EEIG2: variants seen among roughly 807,000 people sequenced by gnomAD.
EEIG2 encodes EEIG family member 2.
At chr1:108,590,031 T>C in the EEIG2 span, among the ~76,000 whole-genome samples, 1 of 152,060 alleles carries the variant, frequency 6.6e-6, no homozygotes, top group Non-Finnish European at 1.5e-5. Flanking sequence ...CTCCTAGACA[T>C]TTCCAAATAG....
the EEIG2 span, among the ~76,000 whole-genome samples, chr1:108,631,633 A>G: frequency 1.4e-4 from 22 of 152,328 alleles, no homozygotes; most frequent in Middle Eastern, 3.4e-3. Flanking sequence ...AAGTACAGTA[A>G]TTATGATATA....
chr1:108,560,722 T>C, the EEIG2 span, among the ~76,000 whole-genome samples: 1 of 152,060 alleles, frequency 6.6e-6, no homozygotes, highest in African/African-American at 2.4e-5. Flanking sequence ...AAATGGGTTC[T>C]TCTCAGCTGG....
the EEIG2 span, among the ~76,000 whole-genome samples, chr1:108,614,558 C>T: frequency 6.6e-6 from 1 of 152,174 alleles, no homozygotes; most frequent in Non-Finnish European, 1.5e-5. Flanking sequence ...CCCTCATCTT[C>T]CCATCATAGA....
chr1:108,590,371 A>C, the EEIG2 span, among the ~76,000 whole-genome samples: 1 of 152,198 alleles, frequency 6.6e-6, no homozygotes, highest in East Asian at 1.9e-4. Flanking sequence ...ATTAATATTG[A>C]AAAAAATCTT....
At chr1:108,625,500 GT>G in the EEIG2 span, 1 of 152,110 alleles carries the variant, frequency 6.6e-6, no homozygotes, top group Non-Finnish European at 1.5e-5. Context: ...CAAATATTTG[GT>G]TTCTTATAAA....
the EEIG2 span, among the ~76,000 whole-genome samples, chr1:108,583,230 C>G: frequency 1.3e-5 from 2 of 152,000 alleles, no homozygotes; most frequent in African/African-American, 4.8e-5. Flanking sequence ...AGTCATAGCT[C>G]ACTGCACCCT....
chr1:108,630,665 T>C, the EEIG2 span, among the ~76,000 whole-genome samples: 1 of 152,216 alleles, frequency 6.6e-6, no homozygotes, highest in Admixed American at 6.5e-5. Context: ...AAACTTACAT[T>C]GATTATCAGC....
At chr1:108,590,565 A>AG in the EEIG2 span, among the ~76,000 whole-genome samples, 1 of 152,228 alleles carries the variant, frequency 6.6e-6, no homozygotes, top group Non-Finnish European at 1.5e-5. Context: ...GTATTGTTAC[A>AG]TCCTGTTTCA....
At chr1:108,631,061 C>A in the EEIG2 span, 1 of 305,824 alleles carries the variant, frequency 3.3e-6, no homozygotes, top group Non-Finnish European at 6.8e-6. Flanking sequence ...ACATATAAAG[C>A]TACTTTCAGG....
At chr1:108,579,772 T>TGTGTGTGTGAGAGAGAGA in the EEIG2 span, among the ~76,000 whole-genome samples, 14 of 58,870 alleles carry the variant, frequency 2.4e-4, no homozygotes, top group African/African-American at 5.9e-4. Context: ...TGTGTGTGTG[T>TGTGTGTGTGAGAGAGAGA]GAGAGAGAGA....
At chr1:108,612,036 A>T in the EEIG2 span, 1 of 504,542 alleles carries the variant, frequency 2.0e-6, no homozygotes, top group Non-Finnish European at 3.6e-6. Context: ...CAAATAATAG[A>T]ACAGGTATTA....
At chr1:108,614,962 G>T in the EEIG2 span, among the ~76,000 whole-genome samples, 1 of 152,206 alleles carries the variant, frequency 6.6e-6, no homozygotes, top group Admixed American at 6.5e-5. Context: ...AGACCTCAGG[G>T]TTCTATGAAA....
At chr1:108,618,121 A>G in the EEIG2 span, among the ~76,000 whole-genome samples, 1 of 152,172 alleles carries the variant, frequency 6.6e-6, no homozygotes, top group Middle Eastern at 3.2e-3. Context: ...TTTAAGATGG[A>G]AGATGATATA....
the EEIG2 span, among the ~76,000 whole-genome samples, chr1:108,583,503 A>T: frequency 6.6e-6 from 1 of 151,908 alleles, no homozygotes; most frequent in East Asian, 1.9e-4. Flanking sequence ...GTTACTAAAA[A>T]CTTTAGTATA....
chr1:108,574,371 T>A, the EEIG2 span, among the ~76,000 whole-genome samples: 2 of 151,754 alleles, frequency 1.3e-5, no homozygotes, highest in East Asian at 3.9e-4. Flanking sequence ...TAGGGAAAAA[T>A]GAAGAGTTTA....
the EEIG2 span, among the ~76,000 whole-genome samples, chr1:108,609,638 C>CTGCCAGAG: frequency 6.6e-6 from 1 of 152,154 alleles, no homozygotes; most frequent in Non-Finnish European, 1.5e-5. Context: ...GACATTGTGG[C>CTGCCAGAG]TGCCAGAGTA....
chr1:108,635,441 C>T, the EEIG2 span: 11 of 341,314 alleles, frequency 3.2e-5, no homozygotes, highest in Admixed American at 8.7e-5. Flanking sequence ...AACACCCCAG[C>T]GGAGAAAACA....
At chr1:108,597,178 G>A in the EEIG2 span, among the ~76,000 whole-genome samples, 1 of 152,198 alleles carries the variant, frequency 6.6e-6, no homozygotes, top group Non-Finnish European at 1.5e-5. Context: ...ATTGTAGGCT[G>A]ATTTGGCTGG....
the EEIG2 span, among the ~76,000 whole-genome samples, chr1:108,609,330 C>T: frequency 1.3e-5 from 2 of 152,024 alleles, no homozygotes; most frequent in African/African-American, 4.8e-5. Context: ...AAGCAGGGGT[C>T]GTTGGAGGAA....
Sources: allele counts gnomAD v4.1 joint callset (sites outside exome capture counted in the v4.1 genomes callset), GRCh38; gene constraint gnomAD v4.1.1; transcripts MANE v1.5; gene names NCBI Gene and HGNC (gene_info 2026-07-23, HGNC 2026-07-21).